The following CNBD1 variants were observed in gnomAD, a reference collection of about 807,000 sequenced individuals.
The protein encoded by CNBD1 is cyclic nucleotide-binding domain-containing protein 1.
CNBD1 carries 71 observed loss-of-function variants against 54.4 expected under a neutral mutation model. That is an observed-to-expected ratio of 1.30 (90% CI 1.08 to 1.59). CNBD1 has a LOEUF of 1.59. CNBD1 is among the 40% of genes most tolerant of loss of function. The pLI, the probability that CNBD1 is intolerant of heterozygous loss-of-function variation, is 0.00. For missense variants in CNBD1, 659 were observed against 518.0 expected, an observed-to-expected ratio of 1.27 and a Z score of -2.64; for synonymous variants, 182 against 170.7, an observed-to-expected ratio of 1.07 and a Z score of -0.51.
At chr8:87,352,443 G>A (rs971048015) in intron 9 of CNBD1, among the ~76,000 whole-genome samples, 4 of 133,168 alleles carry the variant, frequency 3.0e-5, no homozygotes, top group Non-Finnish European at 6.1e-5. Flanking sequence ...TTGTGCCACT[G>A]CACTCCAGCC....
chr8:87,250,361 T>C (rs1384598039), intron 6 of CNBD1, among the ~76,000 whole-genome samples: 1 of 152,196 alleles, frequency 6.6e-6, no homozygotes, highest in East Asian at 1.9e-4. Context: ...GGAACTCTTG[T>C]ACACTGTTGG....
At chr8:87,019,966 C>A (rs1809448710) in intron 4 of CNBD1, among the ~76,000 whole-genome samples, 2 of 152,082 alleles carry the variant, frequency 1.3e-5, no homozygotes, top group Admixed American at 1.3e-4. Context: ...ATCCAAATAA[C>A]CCTTAATAAG....
intron 2 of CNBD1, among the ~76,000 whole-genome samples, chr8:87,394,172 C>T (rs1176300119): frequency 6.6e-6 from 1 of 151,814 alleles, no homozygotes; most frequent in Admixed American, 6.6e-5. Flanking sequence ...ACACTATGGA[C>T]TATTTAAAAT....
In CNBD1 at chr8:87,302,975, G is replaced by T. The variant is rs1317180721; in HGVS notation, c.1042+16304G>T. Among the ~76,000 whole-genome samples, 253 of 151,256 alleles carry T rather than the reference G, an allele frequency of 1.7e-3. 1 individual carries two copies. The highest frequency in any genetic ancestry group is 5.3e-3 in the African/African-American group (217 of 41,310). The stretch of plus-strand genomic sequence containing the variant: ...AGGAGAACTACAAACCACTGCTCAA[G>T]GAAATAAAAGAGGATACAAACAAAT... On this transcript the variant is annotated intron_variant, in intron 8 of 10. Coordinates refer to ENST00000518476, the MANE Select transcript of CNBD1 (RefSeq NM_173538.3).
At chr8:87,278,910 G>A (rs1338592095) in intron 6 of CNBD1, among the ~76,000 whole-genome samples, 1 of 151,348 alleles carries the variant, frequency 6.6e-6, no homozygotes, top group Non-Finnish European at 1.5e-5. Context: ...AAGTGGAAAA[G>A]GTAATATAGC....
chr8:86,918,464 T>C (rs764124134), intron 3 of CNBD1, among the ~76,000 whole-genome samples: 1 of 152,088 alleles, frequency 6.6e-6, no homozygotes, highest in African/African-American at 2.4e-5. Context: ...TCATCCTGAA[T>C]TGTAGCTCCC....
chr8:87,249,001 C>G (rs1030229469), intron 6 of CNBD1, among the ~76,000 whole-genome samples: 5 of 152,130 alleles, frequency 3.3e-5, no homozygotes, highest in Admixed American at 6.6e-5. Context: ...ACTACTATAA[C>G]TCCTGCCACC....
chr8:87,030,272 T>A (rs1289515366), intron 4 of CNBD1, among the ~76,000 whole-genome samples: 1 of 152,188 alleles, frequency 6.6e-6, no homozygotes, highest in East Asian at 1.9e-4. Flanking sequence ...CATAAACACT[T>A]TGACAGCTGT....
intron 4 of CNBD1, among the ~76,000 whole-genome samples, chr8:87,102,024 G>A (rs1476328169): frequency 6.6e-6 from 1 of 151,890 alleles, no homozygotes; most frequent in Admixed American, 6.6e-5. Flanking sequence ...GAGTAGCTGG[G>A]ATTATAGGCG....
intron 4 of CNBD1, among the ~76,000 whole-genome samples, chr8:87,144,905 G>T (rs1406380521): frequency 6.6e-6 from 1 of 151,746 alleles, no homozygotes; most frequent in Non-Finnish European, 1.5e-5. Context: ...AGAGTTTTGG[G>T]AGCTAACCAG....
At chr8:87,402,135 G>C (rs902411531) in intron 2 of CNBD1, among the ~76,000 whole-genome samples, 1 of 152,040 alleles carries the variant, frequency 6.6e-6, no homozygotes. Flanking sequence ...AAGAGAGCAA[G>C]TGTAGGGGAA....
intron 8 of CNBD1, among the ~76,000 whole-genome samples, chr8:87,335,142 A>C (rs1239333024): frequency 2.0e-5 from 3 of 152,148 alleles, no homozygotes; most frequent in African/African-American, 7.2e-5. Context: ...TCGATTTTAG[A>C]GTAAGTGTCA....
At chr8:87,226,616 T>C (rs1814499833) in intron 5 of CNBD1, among the ~76,000 whole-genome samples, 1 of 151,312 alleles carries the variant, frequency 6.6e-6, no homozygotes, top group Non-Finnish European at 1.5e-5. Flanking sequence ...TAGTTTGTTG[T>C]AATTTCTGTT....
At chr8:86,970,324 A>AT (rs1808190907) in intron 4 of CNBD1, among the ~76,000 whole-genome samples, 1 of 151,324 alleles carries the variant, frequency 6.6e-6, no homozygotes, top group African/African-American at 2.4e-5. Flanking sequence ...TATGTGTCTT[A>AT]TTTTTTTCTG....
intron 8 of CNBD1, among the ~76,000 whole-genome samples, chr8:87,330,292 A>G (rs1809797186): frequency 7.1e-6 from 1 of 140,682 alleles, no homozygotes; most frequent in African/African-American, 2.7e-5. Flanking sequence ...CTTTTTGGAA[A>G]CCAGGTTTTG....
At chr8:86,988,143 G>GTTTTTTT (rs34699647) in intron 4 of CNBD1, among the ~76,000 whole-genome samples, 1 of 134,354 alleles carries the variant, frequency 7.4e-6, no homozygotes, top group Non-Finnish European at 1.6e-5. Flanking sequence ...TGGTTGATAG[G>GTTTTTTT]TTTTTTTTTT....
chr8:86,955,592 AG>A (rs1807745297), intron 4 of CNBD1, among the ~76,000 whole-genome samples: 1 of 151,962 alleles, frequency 6.6e-6, no homozygotes, highest in Non-Finnish European at 1.5e-5. Flanking sequence ...AGTGATGATG[AG>A]CAGTTTTTCA....
Position 87,011,431 on chromosome 8 carries a change from A to G in CNBD1, c.431+71677A>G, listed in dbSNP as rs184221225. On this transcript the variant is annotated intron_variant, in intron 4 of 10. Transcript: ENST00000518476. The stretch of plus-strand genomic sequence containing the variant: ...TGTCTATCTTGGTTGTGTTTGATAC[A>G]TTCAAAATATTGTCTTTTGTTTATT... Among the ~76,000 whole-genome samples, 511 of 152,282 alleles carry G rather than the reference A, an allele frequency of 3.4e-3. 4 individuals carry two copies. The highest frequency in any genetic ancestry group is 5.8e-3 in the Non-Finnish European group (393 of 68,016).
chr8:86,994,739 C>T (rs1388327657), intron 4 of CNBD1, among the ~76,000 whole-genome samples: 7 of 151,742 alleles, frequency 4.6e-5, no homozygotes, highest in East Asian at 1.9e-4. Context: ...ATGTGTGTGT[C>T]GCTTCTCCGT....
Sources: gnomAD v4.1 joint callset for allele counts (sites outside exome capture counted in the v4.1 genomes callset) on GRCh38, gnomAD v4.1.1 for gene constraint, MANE v1.5 for transcripts, NCBI Gene and HGNC (gene_info 2026-07-23, HGNC 2026-07-21) for gene names.